PTPRT: variants seen among roughly 807,000 people sequenced by gnomAD.
PTPRT encodes protein tyrosine phosphatase receptor type T.
Under a neutral mutation model 176.8 loss-of-function variants are expected in PTPRT, and 56 were observed. That is an observed-to-expected ratio of 0.32 (90% CI 0.26 to 0.40). PTPRT has a LOEUF of 0.40. Ranked by LOEUF, PTPRT falls within the 10% of genes least tolerant of loss-of-function variation. The probability of loss-of-function intolerance (pLI) is 1.00; values close to 1 mark genes in which losing one functional copy is unlikely to be tolerated. For synonymous variants in PTPRT, 783 were observed against 739.0 expected (o/e 1.06, Z -0.96); for missense variants, 1,540 against 1,908.2 (o/e 0.81, Z 3.60).
At chr20:42,889,190 G>A (rs966120804) in intron 1 of PTPRT, among the ~76,000 whole-genome samples, 1 of 152,140 alleles carries the variant, frequency 6.6e-6, no homozygotes, top group Non-Finnish European at 1.5e-5. Flanking sequence ...CCTCTTCACA[G>A]GCACTCACTG....
intron 11 of PTPRT, among the ~76,000 whole-genome samples, chr20:42,318,281 G>A (rs2057749708): frequency 1.3e-5 from 2 of 152,264 alleles, no homozygotes; most frequent in Middle Eastern, 6.8e-3. Flanking sequence ...TAAGCTCAAA[G>A]CAGTCACTGA....
At chr20:42,516,380 A>T (rs1253007780) in intron 7 of PTPRT, among the ~76,000 whole-genome samples, 1 of 152,160 alleles carries the variant, frequency 6.6e-6, no homozygotes, top group African/African-American at 2.4e-5. Context: ...TTAGCTGTCC[A>T]TCTTTTGGAC....
At chr20:42,656,412 TA>T (rs2075126439) in intron 7 of PTPRT, among the ~76,000 whole-genome samples, 1 of 152,098 alleles carries the variant, frequency 6.6e-6, no homozygotes, top group East Asian at 1.9e-4. Flanking sequence ...CAAGTAGTGA[TA>T]AGAAATAAAA....
intron 16 of PTPRT, among the ~76,000 whole-genome samples, chr20:42,179,740 T>C (rs1453908567): frequency 2.6e-5 from 4 of 152,148 alleles, no homozygotes; most frequent in Admixed American, 2.0e-4. Context: ...TCCTTAACAG[T>C]ATTACACTGG....
intron 6 of PTPRT, among the ~76,000 whole-genome samples, chr20:42,737,558 G>A (rs1302302512): frequency 6.6e-6 from 1 of 151,822 alleles, no homozygotes; most frequent in Admixed American, 6.6e-5. Flanking sequence ...CTTGAACCCG[G>A]GAGACGGAGG....
chr20:42,406,987 T>A (rs2058966974), intron 9 of PTPRT, among the ~76,000 whole-genome samples: 1 of 152,194 alleles, frequency 6.6e-6, no homozygotes, highest in Non-Finnish European at 1.5e-5. Flanking sequence ...CCTGCTCATC[T>A]CCTTTAAGCA....
At chr20:42,811,613 T>C (rs370210027) in intron 2 of PTPRT, among the ~76,000 whole-genome samples, 12 of 152,302 alleles carry the variant, frequency 7.9e-5, no homozygotes, top group African/African-American at 2.9e-4. Context: ...GACTCCATGC[T>C]GTCAAATATG....
intron 6 of PTPRT, among the ~76,000 whole-genome samples, chr20:42,739,964 T>G (rs541538416): frequency 2.0e-4 from 30 of 152,286 alleles, no homozygotes; most frequent in African/African-American, 6.0e-4. Flanking sequence ...CTGGAGGGCC[T>G]GGGTTCACAC....
chr20:42,176,257 C>CA (rs1990285256), intron 16 of PTPRT, among the ~76,000 whole-genome samples: 1 of 152,160 alleles, frequency 6.6e-6, no homozygotes, highest in Admixed American at 6.6e-5. Context: ...GTTCATCTGT[C>CA]ATGTCTTCTA....
intron 7 of PTPRT, among the ~76,000 whole-genome samples, chr20:42,502,965 T>C (rs1401372580): frequency 1.3e-5 from 2 of 152,116 alleles, no homozygotes; most frequent in African/African-American, 4.8e-5. Flanking sequence ...AAATACTTGG[T>C]GTTTCAGGCT....
chr20:42,665,009 T>C (rs1239363520), intron 7 of PTPRT, among the ~76,000 whole-genome samples: 1 of 152,126 alleles, frequency 6.6e-6, no homozygotes, highest in Non-Finnish European at 1.5e-5. Flanking sequence ...GAAGAAAACC[T>C]AGGCAATACC....
the PTPRT span, among the ~76,000 whole-genome samples, chr20:42,048,234 C>T: frequency 6.6e-6 from 1 of 152,154 alleles, no homozygotes. Flanking sequence ...TCAGTTCTTC[C>T]TGAGTATGGG....
chr20:42,212,336 TCAA>T (rs2055660419), intron 15 of PTPRT, among the ~76,000 whole-genome samples: 1 of 141,832 alleles, frequency 7.1e-6, no homozygotes, highest in Non-Finnish European at 1.5e-5. Flanking sequence ...AAAAAAGAGT[TCAA>T]TGTGTTGGGA....
rs200630846 is a variant in PTPRT at position 43,083,318 on chromosome 20, A to ATGTGTG, written c.88+106327_88+106328insCACACA. Among the ~76,000 whole-genome samples, 86 of 78,554 alleles carry ATGTGTG rather than the reference A, an allele frequency of 1.1e-3. 1 individual carries two copies. Among genetic ancestry groups the ATGTGTG allele is most frequent in the African/African-American group, 5.2e-3 (77 of 14,718 alleles). 51.5% of individuals were successfully genotyped at this position (78,554 alleles called of 152,430 possible). A position where few individuals can be genotyped will look rare whatever the true frequency, so the allele number is the denominator to read the frequency against. On this transcript the variant is annotated intron_variant, in intron 1 of 30. Transcript: ENST00000373187. ...ATACCATAAGATTCACCCACTTCAA[A>ATGTGTG]TGTATATATATATATATATATATAT... is the stretch of plus-strand genomic sequence containing the variant.
intron 16 of PTPRT, among the ~76,000 whole-genome samples, chr20:42,194,487 A>AT (rs1991123008): frequency 6.6e-6 from 1 of 152,228 alleles, no homozygotes; most frequent in Non-Finnish European, 1.5e-5. Context: ...CCAAGTCCCC[A>AT]TATCACAGGA....
chr20:42,300,257 CAAAAAAAAAAA>C (rs761176814), intron 12 of PTPRT, among the ~76,000 whole-genome samples: 3 of 49,618 alleles, frequency 6.0e-5, no homozygotes, highest in South Asian at 9.4e-4. Flanking sequence ...AACTCCGTCT[CAAAAAAAAAAA>C]AAAAAAAAAA....
At chr20:42,278,657 A>G (rs2057088747) in intron 13 of PTPRT, among the ~76,000 whole-genome samples, 1 of 152,202 alleles carries the variant, frequency 6.6e-6, no homozygotes, top group Admixed American at 6.5e-5. Flanking sequence ...AGAATTGAAC[A>G]ACTAGGTCAG....
chr20:42,535,925 G>A (rs1205903958), intron 7 of PTPRT, among the ~76,000 whole-genome samples: 1 of 152,118 alleles, frequency 6.6e-6, no homozygotes, highest in Non-Finnish European at 1.5e-5. Context: ...TTCTCATCCT[G>A]AGTTCAGTGA....
chr20:42,462,102 G>A (rs1015934845), intron 8 of PTPRT, among the ~76,000 whole-genome samples: 1 of 152,008 alleles, frequency 6.6e-6, no homozygotes, highest in Admixed American at 6.6e-5. Context: ...GAGGTGAGGG[G>A]GAGGTCAAAT....
Sources: allele counts gnomAD v4.1 joint callset (sites outside exome capture counted in the v4.1 genomes callset), GRCh38; gene constraint gnomAD v4.1.1; transcripts MANE v1.5; gene names NCBI Gene and HGNC (gene_info 2026-07-23, HGNC 2026-07-21).